Variants in RAP1GAP2 observed in about 807,000 individuals in gnomAD.
RAP1GAP2 encodes RAP1 GTPase activating protein 2.
RAP1GAP2 carries 27 observed loss-of-function variants against 95.0 expected under a neutral mutation model. The ratio of observed to expected loss-of-function variants is 0.28; its 90% CI spans 0.21 to 0.39. RAP1GAP2 has a LOEUF of 0.39. Ranked by LOEUF, RAP1GAP2 falls within the 10% of genes least tolerant of loss-of-function variation. The pLI is 1.00. For synonymous variants in RAP1GAP2, 373 were observed against 380.9 expected, an observed-to-expected ratio of 0.98 and a Z score of 0.24; for missense variants, 771 against 970.0, an observed-to-expected ratio of 0.79 and a Z score of 2.72.
intron 13 of RAP1GAP2, among the ~76,000 whole-genome samples, chr17:2,996,633 C>T (rs1317745306): frequency 1.3e-5 from 2 of 152,270 alleles, no homozygotes; most frequent in Non-Finnish European, 2.9e-5. Flanking sequence ...TCCCTTATGG[C>T]CTCTCTCACC....
chr17:2,947,364 G>A (rs2043737739), intron 3 of RAP1GAP2, among the ~76,000 whole-genome samples: 1 of 152,028 alleles, frequency 6.6e-6, no homozygotes. Flanking sequence ...CAGGGTGAGG[G>A]GTGCAGTCTG....
rs1449500495 is a variant in RAP1GAP2, at chr17:3,005,155, G to T, written c.1201-214G>T. 1.3e-5 allele frequency among the ~76,000 whole-genome samples: 2 copies of T among 152,224 alleles called. No homozygotes were observed. Among genetic ancestry groups the T allele is most frequent in the African/African-American group, 2.4e-5 (1 of 41,460 alleles). On this transcript the variant is annotated intron_variant, in intron 14 of 24. Coordinates refer to ENST00000254695, the MANE Select transcript of RAP1GAP2 (RefSeq NM_015085.5). This position sits in a 1 kb window ranked among gnomAD's most constrained non-coding sequence, Gnocchi z 5.2. ...AAACCTGCTTCTGGCCTCCAGGAAT[G>T]CAGATGAGAGGCTGCGGATGGCCCC...
rs1334559728 is a variant in RAP1GAP2, at chr17:2,998,484, G to A, written c.1200+108G>A. On this transcript the variant is annotated intron_variant, in intron 14 of 24. Coordinates refer to ENST00000254695, the MANE Select transcript of RAP1GAP2 (RefSeq NM_015085.5). ...TCCTCAGCAGTCAGAGATTCTCCAT[G>A]AGTTTGCAGGTTTCTGGGGTTTGGA... The A allele has an allele frequency of 9.7e-6, 13 of 1,342,852 alleles. No homozygotes were observed. In the African/African-American group the frequency reaches 1.5e-4, roughly 15 times the overall value. The allele number at this position is 1,342,852 out of a possible 1,614,324, so 83.2% of individuals were successfully genotyped here. A position where few individuals can be genotyped will look rare whatever the true frequency, so the allele number is the denominator to read the frequency against.
chr17:2,897,064 C>T (rs2041855345), intron 2 of RAP1GAP2, among the ~76,000 whole-genome samples: 5 of 152,342 alleles, frequency 3.3e-5, no homozygotes, highest in South Asian at 2.1e-4. Flanking sequence ...AGGCCAGGTG[C>T]GCTGGCTCAC....
chr17:2,960,487 C>T (rs1194932958), intron 4 of RAP1GAP2, among the ~76,000 whole-genome samples: 1 of 152,250 alleles, frequency 6.6e-6, no homozygotes, highest in Admixed American at 6.5e-5. Flanking sequence ...CAAGGCGACT[C>T]AGCCCAGGGA....
At position 2,904,027 on chromosome 17, in the gene RAP1GAP2, T is replaced by C. The variant is rs971585381; in HGVS notation, c.81-1257T>C. Among the ~76,000 whole-genome samples the C allele has an allele frequency of 6.6e-6, 1 of 152,080 alleles. No individual in the cohort carries two copies. Among genetic ancestry groups the C allele is most frequent in the Non-Finnish European group, 1.5e-5 (1 of 68,022 alleles). On this transcript the variant is annotated intron_variant, in intron 2 of 24. Transcript: ENST00000254695. The surrounding 1 kb of genome is among the most constrained non-coding windows in gnomAD (Gnocchi z 4.7). ...GGAGGTGGCAGTGGGGGTGCTTTGA[T>C]CATTTACGCAGGACCTGGGGGTTGG...
intron 2 of RAP1GAP2, among the ~76,000 whole-genome samples, chr17:2,830,677 G>T (rs1228346148): frequency 2.6e-5 from 4 of 152,094 alleles, no homozygotes; most frequent in Admixed American, 2.6e-4. Flanking sequence ...TCACACCACT[G>T]CACTCCAGCC....
rs548462593 is a variant in RAP1GAP2, at chr17:2,981,591, A to G, written c.729+343A>G. On this transcript the variant is annotated intron_variant, in intron 10 of 24. Transcript: ENST00000254695. ...ACTCTGTAGCTGGGGGCTGGTGCAG[A>G]TCCAGTCTGCTGTCACAGAGGGGCG... is the stretch of plus-strand genomic sequence containing the variant. 9.2e-5 allele frequency among the ~76,000 whole-genome samples: 14 copies of G among 152,236 alleles called. No homozygotes were observed. In the South Asian group the frequency reaches 1.9e-3, roughly 20 times the overall value.
chr17:2,955,990 C>T (rs564318984), intron 3 of RAP1GAP2, among the ~76,000 whole-genome samples: 6 of 152,286 alleles, frequency 3.9e-5, no homozygotes, highest in Non-Finnish European at 5.9e-5. Context: ...GATTGTTAGA[C>T]GTGGAATCGC....
intron 10 of RAP1GAP2, among the ~76,000 whole-genome samples, chr17:2,982,888 G>A (rs564000020): frequency 3.3e-5 from 5 of 152,354 alleles, no homozygotes; most frequent in African/African-American, 1.2e-4. Context: ...CGGCTGGGAT[G>A]TTCATCTGGC....
At chr17:3,002,702 G>T (rs898789067) in intron 14 of RAP1GAP2, among the ~76,000 whole-genome samples, 4 of 152,190 alleles carry the variant, frequency 2.6e-5, no homozygotes, top group Non-Finnish European at 5.9e-5. Context: ...TTGGGTGTGT[G>T]CAGGAAGGGG....
intron 8 of RAP1GAP2, among the ~76,000 whole-genome samples, chr17:2,979,092 T>C (rs1483492703): frequency 6.6e-6 from 1 of 152,190 alleles, no homozygotes; most frequent in African/African-American, 2.4e-5. Context: ...AACAGAAATG[T>C]AATTCACCAG....
intron 2 of RAP1GAP2, among the ~76,000 whole-genome samples, chr17:2,844,357 G>A (rs2071493586): frequency 6.6e-6 from 1 of 152,166 alleles, no homozygotes; most frequent in Non-Finnish European, 1.5e-5. Context: ...GGGACTTGGA[G>A]GGTTCAGAGA....
At chr17:2,978,283 C>T (rs1254348051) in intron 8 of RAP1GAP2, among the ~76,000 whole-genome samples, 1 of 152,124 alleles carries the variant, frequency 6.6e-6, no homozygotes, top group Non-Finnish European at 1.5e-5. Flanking sequence ...AAAGTGCCAG[C>T]CTCACTCATG....
intron 18 of RAP1GAP2, 91 bp from the exon 19 acceptor site, chr17:3,020,386 C>A: frequency 9.7e-7 from 1 of 1,029,168 alleles, no homozygotes; most frequent in Non-Finnish European, 1.5e-6. Context: ...TCTTCCAGAC[C>A]AGGAGCCATT....
At chr17:3,021,246 T>C (rs1447993498) in intron 19 of RAP1GAP2, among the ~76,000 whole-genome samples, 1 of 152,156 alleles carries the variant, frequency 6.6e-6, no homozygotes, top group African/African-American at 2.4e-5. Context: ...GTCACTGTAT[T>C]GTACTATTGA....
At chr17:3,006,796 G>T (rs1333818304) in intron 16 of RAP1GAP2, among the ~76,000 whole-genome samples, 5 of 151,808 alleles carry the variant, frequency 3.3e-5, no homozygotes, top group African/African-American at 4.8e-5. Context: ...GGGATATGGG[G>T]ATAAGTGAGA....
At chr17:2,766,294 A>G (rs530377272) in intron 1 of RAP1GAP2, among the ~76,000 whole-genome samples, 90 of 152,252 alleles carry the variant, frequency 5.9e-4, no homozygotes, top group Middle Eastern at 3.4e-3. Flanking sequence ...CTAGCCCCGC[A>G]CTGTGATGGG....
chr17:2,908,741 G>T (rs975370320), intron 3 of RAP1GAP2, among the ~76,000 whole-genome samples: 1 of 152,128 alleles, frequency 6.6e-6, no homozygotes, highest in Non-Finnish European at 1.5e-5. Context: ...TAGGGACAGG[G>T]TCGTGCGCTG....
Sources: allele counts gnomAD v4.1 joint callset (sites outside exome capture counted in the v4.1 genomes callset), GRCh38; gene constraint gnomAD v4.1.1; non-coding constraint Gnocchi (gnomAD v3.1); transcripts MANE v1.5; gene names NCBI Gene and HGNC (gene_info 2026-07-23, HGNC 2026-07-21).